Variants in VSTM2L observed in about 807,000 individuals in gnomAD.
VSTM2L encodes the protein V-set and transmembrane domain containing 2 like.
In VSTM2L, 9 loss-of-function variants were observed where a neutral mutation model predicts 19.9. The ratio of observed to expected loss-of-function variants is 0.45; its 90% CI spans 0.27 to 0.79. VSTM2L has a LOEUF of 0.79. Ranked by LOEUF, VSTM2L falls within the 30% of genes least tolerant of loss-of-function variation. The pLI is 0.15. For missense variants in VSTM2L, 286 were observed against 295.5 expected, an observed-to-expected ratio of 0.97 and a Z score of 0.24; for synonymous variants, 127 against 133.8, an observed-to-expected ratio of 0.95 and a Z score of 0.35.
intron 1 of VSTM2L, among the ~76,000 whole-genome samples, chr20:37,914,509 TTG>T (rs908838514): frequency 6.8e-5 from 5 of 73,906 alleles, no homozygotes; most frequent in East Asian, 3.8e-4. Flanking sequence ...TGCGTGTGTG[TTG>T]TGTGTGTGTG....
At chr20:37,911,925 C>T (rs1466356178) in intron 1 of VSTM2L, among the ~76,000 whole-genome samples, 3 of 151,738 alleles carry the variant, frequency 2.0e-5, no homozygotes, top group East Asian at 1.9e-4. Flanking sequence ...TGTATGTGTG[C>T]GGGTGAGGAT....
At position 37,942,954 on chromosome 20, in the gene VSTM2L, G is replaced by GTTATT. The variant is rs1310375640; in HGVS notation, c.343-1015_343-1011dup. Among the ~76,000 whole-genome samples, 267 of 152,268 alleles carry GTTATT rather than the reference G, an allele frequency of 1.8e-3. 1 individual carries two copies. Among genetic ancestry groups the GTTATT allele is most frequent in the African/African-American group, 5.9e-3 (247 of 41,554 alleles). On this transcript the variant is annotated intron_variant, in intron 3 of 3. Transcript: ENST00000373461. ...ATTGTTTTGTTTTGTTTTTTATTAT[G>GTTATT]TTATTTTATTTTATTTATTTATTTT...
intron 1 of VSTM2L, among the ~76,000 whole-genome samples, chr20:37,925,311 T>C (rs1281140956): frequency 2.0e-5 from 3 of 152,106 alleles, no homozygotes; most frequent in Non-Finnish European, 4.4e-5. Flanking sequence ...CATCTATCAC[T>C]TTCTCCTTCT....
At chr20:37,920,144 C>G (rs2072842192) in intron 1 of VSTM2L, among the ~76,000 whole-genome samples, 2 of 152,226 alleles carry the variant, frequency 1.3e-5, no homozygotes, top group Non-Finnish European at 2.9e-5. Flanking sequence ...AACAACGGAG[C>G]CAGCAGAAAC....
At position 37,944,123 on chromosome 20, in the gene VSTM2L, G is replaced by C; in HGVS notation, c.485G>C (p.Arg162Pro). ...CACCACAAGGTCAAGGCCTACCTGC[G>C]GGTGCAGCCAGGGGAGAACTCCGTC... ...ARHHKVKAYLRVQPGENSVLH... is the reference protein window; with the variant it reads ...ARHHKVKAYLPVQPGENSVLH... Residue 162 changes from arginine to proline, a missense_variant, in exon 4 of 4, where the codon CGG (arginine) becomes CCG (proline). Arg to Pro is a moderately radical substitution (Grantham distance 103, BLOSUM62 -2). Transcript: ENST00000373461. The C allele has an allele frequency of 6.2e-7, 1 of 1,611,430 alleles. No homozygotes were observed. Among genetic ancestry groups the C allele is most frequent in the South Asian group, 1.1e-5 (1 of 90,774 alleles).
intron 1 of VSTM2L, among the ~76,000 whole-genome samples, chr20:37,908,120 G>C (rs887982038): frequency 5.9e-5 from 9 of 152,310 alleles, no homozygotes; most frequent in Middle Eastern, 3.4e-3. Context: ...CCTCACAAGC[G>C]GTTTTCCCCA....
rs778175659 is a variant in VSTM2L at position 37,933,527 on chromosome 20, CG to C, written c.292-11del. On this transcript the variant is annotated splice_polypyrimidine_tract_variant and intron_variant, in intron 2 of 3. Transcript: ENST00000373461. The stretch of plus-strand genomic sequence containing the variant: ...TGTCTCTGCTCTCTCCGCCCCTCCC[CG>C]ATCCCAACAGCTAAAAGCATCTCAG... The C allele has an allele frequency of 7.4e-6, 12 of 1,613,538 alleles. No individual in the cohort carries two copies. The South Asian group carries it at 1.1e-4, about 15-fold the overall frequency.
chr20:37,924,209 G>C (rs138563166), intron 1 of VSTM2L, among the ~76,000 whole-genome samples: 4 of 152,150 alleles, frequency 2.6e-5, no homozygotes, highest in Non-Finnish European at 5.9e-5. Flanking sequence ...TGCCATGTTC[G>C]TGCCACTGCA....
In VSTM2L at chr20:37,936,950, G is replaced by T. The variant is rs527822462; in HGVS notation, c.342+3361G>T. On this transcript the variant is annotated intron_variant, in intron 3 of 3. Transcript: ENST00000373461. The stretch of plus-strand genomic sequence containing the variant: ...AAAAAAAAAAAATCAGATGCTGGGC[G>T]CAGTGCACACCTGTAATCCCAGCGC... 2.6e-5 allele frequency among the ~76,000 whole-genome samples: 4 copies of T among 152,152 alleles called. No individual in the cohort carries two copies. In the East Asian group the frequency reaches 7.7e-4, roughly 29 times the overall value.
Position 37,944,498 on chromosome 20 carries a change from C to T in VSTM2L, c.*245C>T, listed in dbSNP as rs2072996769. The T allele has an allele frequency of 3.2e-6, 4 of 1,241,826 alleles. No individual in the cohort carries two copies. Among genetic ancestry groups the T allele is most frequent in the Non-Finnish European group, 3.0e-6 (3 of 993,810 alleles). The allele number at this position is 1,241,826 out of a possible 1,614,324, so 76.9% of individuals were successfully genotyped here. ...GTGGCCCTGGGCACCAAGGGGCCAA[C>T]CGCCCTGAACACTGGGGCAGGGACC... On this transcript the variant is annotated 3_prime_UTR_variant, in exon 4 of 4. Coordinates refer to ENST00000373461, the MANE Select transcript of VSTM2L (RefSeq NM_080607.3).
intron 3 of VSTM2L, among the ~76,000 whole-genome samples, chr20:37,937,452 C>T (rs973441463): frequency 1.5e-4 from 23 of 152,094 alleles, no homozygotes; most frequent in Admixed American, 1.4e-3. Context: ...GCTTATTGGC[C>T]ATTTTCAAGT....
At chr20:37,941,393 C>T (rs552075210) in intron 3 of VSTM2L, among the ~76,000 whole-genome samples, 11 of 152,264 alleles carry the variant, frequency 7.2e-5, no homozygotes, top group African/African-American at 2.2e-4. Context: ...GGGCCCAGCA[C>T]GCGCAAAGGC....
intron 1 of VSTM2L, among the ~76,000 whole-genome samples, chr20:37,905,749 G>T (rs1253011849): frequency 6.6e-6 from 1 of 152,162 alleles, no homozygotes; most frequent in Non-Finnish European, 1.5e-5. Context: ...AGCCCCCACA[G>T]CTGCCCCTCT....
At chr20:37,927,039 C>A (rs2072882795) in intron 1 of VSTM2L, among the ~76,000 whole-genome samples, 1 of 152,366 alleles carries the variant, frequency 6.6e-6, no homozygotes, top group South Asian at 2.1e-4. Flanking sequence ...AATCTCGGCT[C>A]ACTGCGCCTC....
At chr20:37,938,989 C>T (rs1483227383) in intron 3 of VSTM2L, among the ~76,000 whole-genome samples, 1 of 152,134 alleles carries the variant, frequency 6.6e-6, no homozygotes, top group African/African-American at 2.4e-5. Flanking sequence ...AGAAGGCTCC[C>T]AGAGGGGTGG....
chr20:37,908,419 A>T (rs2072762542), intron 1 of VSTM2L, among the ~76,000 whole-genome samples: 1 of 152,200 alleles, frequency 6.6e-6, no homozygotes, highest in Admixed American at 6.5e-5. Flanking sequence ...TCTCTCTTAC[A>T]GATGAGAAGA....
At chr20:37,916,917 G>C (rs528514522) in intron 1 of VSTM2L, among the ~76,000 whole-genome samples, 1 of 152,322 alleles carries the variant, frequency 6.6e-6, no homozygotes, top group East Asian at 1.9e-4. Flanking sequence ...GGTTAGGGGA[G>C]AGTGGGGAGT....
intron 3 of VSTM2L, among the ~76,000 whole-genome samples, chr20:37,942,123 G>A (rs377289660): frequency 7.9e-5 from 12 of 152,196 alleles, no homozygotes; most frequent in Admixed American, 2.0e-4. Flanking sequence ...AATGTCCATC[G>A]ACGGTGATCA....
chr20:37,922,879 G>A (rs1380899865), intron 1 of VSTM2L, among the ~76,000 whole-genome samples: 2 of 152,180 alleles, frequency 1.3e-5, no homozygotes, highest in Admixed American at 6.5e-5. Flanking sequence ...CTAGAGGACC[G>A]GTGGGTGAGG....
Sources: gnomAD v4.1 joint callset for allele counts (sites outside exome capture counted in the v4.1 genomes callset) on GRCh38, gnomAD v4.1.1 for gene constraint, MANE v1.5 for transcripts, NCBI Gene and HGNC (gene_info 2026-07-23, HGNC 2026-07-21) for gene names.